Variants in CTNNA3 observed in about 807,000 individuals in gnomAD.
CTNNA3 encodes catenin alpha 3.
In CTNNA3, 76 loss-of-function variants were observed where a neutral mutation model predicts 95.7. The ratio of observed to expected loss-of-function variants is 0.79; its 90% CI spans 0.66 to 0.96. CTNNA3 has a LOEUF of 0.96. Ranked by LOEUF, CTNNA3 falls within the 40% of genes least tolerant of loss-of-function variation. The pLI is 0.00. For missense variants in CTNNA3, 1,191 were observed against 1,089.8 expected (o/e 1.09, Z -1.31); for synonymous variants, 431 against 374.4 (o/e 1.15, Z -1.74).
intron 7 of CTNNA3, among the ~76,000 whole-genome samples, chr10:67,107,888 G>A (rs997039293): frequency 6.6e-6 from 1 of 152,140 alleles, no homozygotes; most frequent in Admixed American, 6.5e-5. Flanking sequence ...GGATTCAAGC[G>A]GCCAAGCAGG....
chr10:67,255,741 G>A (rs1052607990), intron 5 of CTNNA3, among the ~76,000 whole-genome samples: 3 of 152,150 alleles, frequency 2.0e-5, no homozygotes, highest in African/African-American at 7.2e-5. Flanking sequence ...TTTCCAGTAA[G>A]AACTGAAAAC....
At chr10:67,638,502 A>G (rs1293331440) in intron 2 of CTNNA3, among the ~76,000 whole-genome samples, 1 of 152,230 alleles carries the variant, frequency 6.6e-6, no homozygotes, top group African/African-American at 2.4e-5. Flanking sequence ...CTCTGCACCA[A>G]GAGGACCTAA....
chr10:66,014,655 G>A (rs114721495), intron 15 of CTNNA3, among the ~76,000 whole-genome samples: 1,922 of 152,166 alleles, frequency 0.013, 32 homozygotes, highest in African/African-American at 0.045. Context: ...TGTGATAACC[G>A]CTAGGCCAAT....
chr10:66,928,070 C>A (rs1847173053), intron 7 of CTNNA3: 1 of 1,613,932 alleles, frequency 6.2e-7, no homozygotes. Context: ...CCCAAGCTCC[C>A]CAGGCCGAAG....
intron 15 of CTNNA3, among the ~76,000 whole-genome samples, chr10:66,025,844 T>C (rs2133441602): frequency 6.6e-6 from 1 of 152,318 alleles, no homozygotes; most frequent in African/African-American, 2.4e-5. Flanking sequence ...AATGTGTCTA[T>C]GTGATAGATT....
chr10:65,933,208 T>C (rs2077282098), intron 17 of CTNNA3, among the ~76,000 whole-genome samples: 2 of 152,152 alleles, frequency 1.3e-5, no homozygotes, highest in Admixed American at 1.3e-4. Context: ...AGAAAGCTTT[T>C]AACCTAGGGG....
chr10:67,238,672 T>C (rs1865598994), intron 5 of CTNNA3, among the ~76,000 whole-genome samples: 1 of 152,142 alleles, frequency 6.6e-6, no homozygotes, highest in Non-Finnish European at 1.5e-5. Flanking sequence ...AAACGCATGA[T>C]AAAAACATCT....
At chr10:67,531,497 G>A (rs1023588699) in intron 4 of CTNNA3, among the ~76,000 whole-genome samples, 4 of 152,134 alleles carry the variant, frequency 2.6e-5, no homozygotes, top group Non-Finnish European at 5.9e-5. Flanking sequence ...CCTTTGTTTT[G>A]ACCAATTTGT....
At chr10:66,767,699 A>G (rs139452577) in intron 8 of CTNNA3, among the ~76,000 whole-genome samples, 17 of 152,320 alleles carry the variant, frequency 1.1e-4, no homozygotes, top group African/African-American at 3.4e-4. Context: ...ATAGTAATAC[A>G]TTTTGGGAGA....
chr10:66,277,054 G>A (rs1306996271), intron 13 of CTNNA3, among the ~76,000 whole-genome samples: 1 of 151,976 alleles, frequency 6.6e-6, no homozygotes, highest in African/African-American at 2.4e-5. Context: ...CTCTGAGTGT[G>A]CTAAGTATGA....
In CTNNA3 at chr10:67,601,774, G is replaced by A. The variant is rs1295658917; in HGVS notation, c.292+5083C>T. Among the ~76,000 whole-genome samples, 5 of 152,158 alleles carry A rather than the reference G, an allele frequency of 3.3e-5. No homozygotes were observed. The South Asian group carries it at 8.3e-4, about 25-fold the overall frequency. ...GTAGGAGTAAGCCATAAGATCATGA[G>A]TAACTATAAGTATTACTTACAATGT... On this transcript the variant is annotated intron_variant, in intron 3 of 17. Transcript: ENST00000433211.
At chr10:67,205,105 G>A (rs978160053) in intron 6 of CTNNA3, among the ~76,000 whole-genome samples, 11 of 152,116 alleles carry the variant, frequency 7.2e-5, no homozygotes, top group Admixed American at 2.0e-4. Context: ...GCTTTACAAA[G>A]GCAGTTTAGT....
At chr10:66,430,859 T>G (rs1370660333) in intron 11 of CTNNA3, among the ~76,000 whole-genome samples, 1 of 152,138 alleles carries the variant, frequency 6.6e-6, no homozygotes, top group African/African-American at 2.4e-5. Flanking sequence ...ACTTCATGTC[T>G]AAAACACCAA....
intron 10 of CTNNA3, among the ~76,000 whole-genome samples, chr10:66,577,162 C>T (rs1589443374): frequency 6.6e-6 from 1 of 151,698 alleles, no homozygotes; most frequent in East Asian, 1.9e-4. Context: ...CCTTTGCCCA[C>T]TTTTAAATGC....
At chr10:66,019,157 C>T (rs2079151632) in intron 15 of CTNNA3, among the ~76,000 whole-genome samples, 1 of 152,062 alleles carries the variant, frequency 6.6e-6, no homozygotes, top group Non-Finnish European at 1.5e-5. Context: ...TACCACAGGA[C>T]CAGCCATTTC....
At chr10:66,061,562 G>T (rs767808348) in intron 15 of CTNNA3, among the ~76,000 whole-genome samples, 1 of 151,812 alleles carries the variant, frequency 6.6e-6, no homozygotes, top group Non-Finnish European at 1.5e-5. Context: ...CAGTTGTTAC[G>T]TATCTCCTAC....
At chr10:66,952,384 G>A (rs1343058558) in intron 7 of CTNNA3, among the ~76,000 whole-genome samples, 2 of 152,156 alleles carry the variant, frequency 1.3e-5, no homozygotes, top group African/African-American at 4.8e-5. Flanking sequence ...AATCTTCAGA[G>A]ACAAAAGACA....
intron 12 of CTNNA3, among the ~76,000 whole-genome samples, chr10:66,297,655 C>A (rs149433947): frequency 7.1e-4 from 108 of 152,258 alleles, no homozygotes; most frequent in African/African-American, 2.6e-3. Flanking sequence ...ATAAAGGTGG[C>A]TTTCAAAAGA....
chr10:67,151,691 T>C (rs926041495), intron 7 of CTNNA3, among the ~76,000 whole-genome samples: 2 of 152,192 alleles, frequency 1.3e-5, no homozygotes, highest in African/African-American at 4.8e-5. Flanking sequence ...GCAGCTTCTA[T>C]CAAAGCAGTT....
Sources: gnomAD v4.1 joint callset for allele counts (sites outside exome capture counted in the v4.1 genomes callset) on GRCh38, gnomAD v4.1.1 for gene constraint, MANE v1.5 for transcripts, NCBI Gene and HGNC (gene_info 2026-07-23, HGNC 2026-07-21) for gene names.